The following PTH2R variants were observed in gnomAD, a reference collection of about 807,000 sequenced individuals.
The protein encoded by PTH2R is parathyroid hormone 2 receptor.
A neutral mutation model predicts 60.3 loss-of-function variants in PTH2R; 59 were observed. That is an observed-to-expected ratio of 0.98 (90% CI 0.79 to 1.22). PTH2R has a LOEUF of 1.22. PTH2R is among the 50% of genes most tolerant of loss of function. PTH2R has a pLI of 0.00. For synonymous variants in PTH2R, 256 were observed against 243.8 expected (o/e 1.05, Z -0.47); for missense variants, 749 against 682.6 (o/e 1.10, Z -1.08).
At chr2:208,365,082 A>G (rs1700551646) in intron 1 of PTH2R, among the ~76,000 whole-genome samples, 1 of 147,308 alleles carries the variant, frequency 6.8e-6, no homozygotes, top group African/African-American at 2.5e-5. Context: ...AATCTTTAGG[A>G]TTTTCTGCAT....
intron 8 of PTH2R, 21 bp downstream of exon 8, chr2:208,450,830 A>G: frequency 6.2e-7 from 1 of 1,611,484 alleles, no homozygotes; most frequent in Non-Finnish European, 8.5e-7. Context: ...AGGCAGGGGA[A>G]ACGAGAGAAC....
intron 1 of PTH2R, among the ~76,000 whole-genome samples, chr2:208,398,545 T>G (rs1701252441): frequency 6.6e-5 from 10 of 152,186 alleles, no homozygotes; most frequent in Admixed American, 5.2e-4. Flanking sequence ...ACAATCACGC[T>G]CTTGTGTTCA....
intron 1 of PTH2R, among the ~76,000 whole-genome samples, chr2:208,423,873 G>T (rs1701803844): frequency 6.6e-6 from 1 of 152,086 alleles, no homozygotes; most frequent in South Asian, 2.1e-4. Context: ...AATTTTGTTT[G>T]CTCTACTTGG....
intron 1 of PTH2R, among the ~76,000 whole-genome samples, chr2:208,367,454 ACT>A (rs984295522): frequency 7.7e-6 from 1 of 129,106 alleles, no homozygotes; most frequent in Non-Finnish European, 1.6e-5. Flanking sequence ...AGACAGAGTC[ACT>A]GTCACCCAGG....
At chr2:208,424,561 C>T (rs906250715) in intron 1 of PTH2R, among the ~76,000 whole-genome samples, 1 of 152,218 alleles carries the variant, frequency 6.6e-6, no homozygotes, top group Non-Finnish European at 1.5e-5. Context: ...TCTCTGAAAG[C>T]ATCACTGATC....
At position 208,494,397 on chromosome 2, in the gene PTH2R, G is replaced by C. The variant is rs1485411596; in HGVS notation, c.*738G>C. On this transcript the variant is annotated 3_prime_UTR_variant, in exon 13 of 13. Coordinates refer to ENST00000272847, the MANE Select transcript of PTH2R (RefSeq NM_005048.4). ...TTGTGTCTGCAAATTGATTTTGTTT[G>C]TAATGTATTTTGATAGCAAATCATG... 1 of 152,136 alleles carries C rather than the reference G, an allele frequency of 6.6e-6. No individual in the cohort carries two copies. The highest frequency in any genetic ancestry group is 1.5e-5 in the Non-Finnish European group (1 of 68,004). The allele number at this position is 152,136 out of a possible 1,614,324, so 9.4% of individuals were successfully genotyped here.
intron 1 of PTH2R, among the ~76,000 whole-genome samples, chr2:208,390,587 A>G (rs191475056): frequency 6.6e-6 from 1 of 152,358 alleles, no homozygotes; most frequent in African/African-American, 2.4e-5. Flanking sequence ...AGACTTAGTG[A>G]TAGTAAAACA....
At chr2:208,442,343 T>A (rs1702201553) in intron 4 of PTH2R, 21 bp from the exon 5 acceptor site, 1 of 1,533,294 alleles carries the variant, frequency 6.5e-7, no homozygotes, top group African/African-American at 1.4e-5. Flanking sequence ...ATATCATACA[T>A]GAGCATCTCT....
At chr2:208,368,292 A>G (rs966653909) in intron 1 of PTH2R, among the ~76,000 whole-genome samples, 1 of 152,146 alleles carries the variant, frequency 6.6e-6, no homozygotes, top group African/African-American at 2.4e-5. Context: ...GTCCCATAAC[A>G]TATTTCTCAT....
At chr2:208,410,045 A>G (rs1454577932) in intron 1 of PTH2R, among the ~76,000 whole-genome samples, 2 of 152,172 alleles carry the variant, frequency 1.3e-5, no homozygotes, top group African/African-American at 2.4e-5. Context: ...CCTTGGGGGA[A>G]AGGTGCCCAT....
chr2:208,385,553 C>T (rs1049816505), intron 1 of PTH2R, among the ~76,000 whole-genome samples: 18 of 152,176 alleles, frequency 1.2e-4, no homozygotes, highest in African/African-American at 3.6e-4. Context: ...TAGGAGAAGG[C>T]TTGACCTGGT....
intron 9 of PTH2R, among the ~76,000 whole-genome samples, chr2:208,465,080 A>G (rs967141742): frequency 6.6e-6 from 1 of 151,874 alleles, no homozygotes; most frequent in Non-Finnish European, 1.5e-5. Flanking sequence ...GGCTCAAGTG[A>G]TCCTCCTGCC....
intron 2 of PTH2R, 106 bp downstream of exon 2, chr2:208,428,409 T>G: frequency 1.3e-6 from 1 of 752,642 alleles, no homozygotes; most frequent in Non-Finnish European, 2.2e-6. Context: ...TATCAGTCAA[T>G]CCACATTTCC....
intron 4 of PTH2R, among the ~76,000 whole-genome samples, chr2:208,439,839 GA>G (rs1044963128): frequency 1.2e-4 from 18 of 152,164 alleles, no homozygotes; most frequent in African/African-American, 4.3e-4. Context: ...AACTTCAAAG[GA>G]ATAATATTTT....
intron 9 of PTH2R, among the ~76,000 whole-genome samples, chr2:208,480,799 ATCTAAACTTCAG>A (rs1703129676): frequency 6.6e-6 from 1 of 152,226 alleles, no homozygotes; most frequent in African/African-American, 2.4e-5. Context: ...AAAGGGCTTC[ATCTAAACTTCAG>A]TTTAGAAAGC....
rs1189921877 is a variant in PTH2R at position 208,406,812 on chromosome 2, CG to C, written c.-230del. The C allele has an allele frequency of 2.7e-6, 1 of 376,346 alleles. No individual in the cohort carries two copies. The highest frequency in any genetic ancestry group is 1.4e-4 in the South Asian group (1 of 7,072). 23.3% of individuals were successfully genotyped at this position (376,346 alleles called of 1,614,324 possible). A position where few individuals can be genotyped will look rare whatever the true frequency, so the allele number is the denominator to read the frequency against. On this transcript the variant is annotated 5_prime_UTR_variant, in exon 1 of 13. Coordinates refer to ENST00000272847, the MANE Select transcript of PTH2R (RefSeq NM_005048.4). The stretch of plus-strand genomic sequence containing the variant: ...AGTCCAGGACTCGGGCCAGTCTCTC[CG>C]GAAGACAAGACCAACCTCGCGCCGC...
intron 9 of PTH2R, among the ~76,000 whole-genome samples, chr2:208,467,772 A>G (rs1702787071): frequency 6.6e-6 from 1 of 152,186 alleles, no homozygotes; most frequent in Non-Finnish European, 1.5e-5. Flanking sequence ...AGCATTTCAA[A>G]AAGATGGTTC....
At chr2:208,467,263 T>G (rs1034397915) in intron 9 of PTH2R, among the ~76,000 whole-genome samples, 1 of 152,196 alleles carries the variant, frequency 6.6e-6, no homozygotes, top group Non-Finnish European at 1.5e-5. Flanking sequence ...GGAGCAAGTT[T>G]TCTTTTCTTT....
intron 1 of PTH2R, among the ~76,000 whole-genome samples, chr2:208,410,782 C>T (rs1475742156): frequency 6.7e-6 from 1 of 150,356 alleles, no homozygotes; most frequent in Non-Finnish European, 1.5e-5. Context: ...GTGTGTGTGT[C>T]TTACATAAAT....
Sources: allele counts gnomAD v4.1 joint callset (sites outside exome capture counted in the v4.1 genomes callset), GRCh38; gene constraint gnomAD v4.1.1; transcripts MANE v1.5; gene names NCBI Gene and HGNC (gene_info 2026-07-23, HGNC 2026-07-21).